Variants in MYT1L observed in about 807,000 individuals in gnomAD.
The protein encoded by MYT1L is myelin transcription factor 1-like protein.
MYT1L carries 12 observed loss-of-function variants against 126.7 expected under a neutral mutation model. That is an observed-to-expected ratio of 0.09 (90% CI 0.06 to 0.15). The LOEUF (loss-of-function observed/expected upper bound fraction) is 0.15. Among genes scored for constraint, MYT1L ranks in the 10% least tolerant of loss-of-function variants. The probability of loss-of-function intolerance (pLI) is 1.00; values close to 1 mark genes in which losing one functional copy is unlikely to be tolerated. For missense variants in MYT1L, 979 were observed against 1,585.2 expected (o/e 0.62, Z 6.49); for synonymous variants, 541 against 604.2 (o/e 0.90, Z 1.53).
intron 3 of MYT1L, among the ~76,000 whole-genome samples, chr2:2,121,078 G>C (rs2080936129): frequency 1.3e-5 from 2 of 152,184 alleles, no homozygotes; most frequent in African/African-American, 4.8e-5. Context: ...CCCGTGGATC[G>C]AACTGCCGGA....
chr2:1,822,720 C>T (rs1459259191), intron 21 of MYT1L, among the ~76,000 whole-genome samples: 3 of 151,928 alleles, frequency 2.0e-5, no homozygotes, highest in East Asian at 2.0e-4. Context: ...TATCTGGGTC[C>T]CTGGCAGTCA....
chr2:2,286,520 CAT>C (rs2095523218), intron 1 of MYT1L, among the ~76,000 whole-genome samples: 2 of 152,206 alleles, frequency 1.3e-5, no homozygotes, highest in South Asian at 4.1e-4. Context: ...AAAAAGAAAA[CAT>C]AGAACCCATT....
chr2:2,007,842 G>A (rs1201723859), intron 4 of MYT1L, among the ~76,000 whole-genome samples: 6 of 152,156 alleles, frequency 3.9e-5, no homozygotes, highest in Non-Finnish European at 8.8e-5. Flanking sequence ...GAGACATTTA[G>A]TTGATAGTTT....
chr2:2,119,214 G>A (rs1051956970), intron 3 of MYT1L, among the ~76,000 whole-genome samples: 2 of 152,168 alleles, frequency 1.3e-5, no homozygotes, highest in African/African-American at 4.8e-5. Flanking sequence ...ATGGTGAGAG[G>A]ACAACCTGTT....
At chr2:1,851,878 A>C (rs2043308946) in intron 18 of MYT1L, among the ~76,000 whole-genome samples, 175 bp from the exon 19 acceptor site, 1 of 152,106 alleles carries the variant, frequency 6.6e-6, no homozygotes, top group Non-Finnish European at 1.5e-5. Flanking sequence ...GACCACACAC[A>C]CACCTTCCAG....
In MYT1L at chr2:1,959,641, A is replaced by G. The variant is rs564977644; in HGVS notation, c.153-16307T>C. Among the ~76,000 whole-genome samples the G allele has an allele frequency of 2.0e-5, 3 of 152,314 alleles. No individual in the cohort carries two copies. The South Asian group carries it at 6.2e-4, about 32-fold the overall frequency. On this transcript the variant is annotated intron_variant, in intron 8 of 24. Transcript: ENST00000647738. The stretch of plus-strand genomic sequence containing the variant: ...CTCCTCCCTTGGGAAGCCCCTGGCT[A>G]CCTGCAGAGAATGGAGCTATGCCCC...
At chr2:2,088,660 C>T (rs754483932) in intron 3 of MYT1L, among the ~76,000 whole-genome samples, 3 of 152,064 alleles carry the variant, frequency 2.0e-5, no homozygotes, top group Non-Finnish European at 4.4e-5. Context: ...GTTCTAAGTA[C>T]TAGTATAAAA....
At chr2:2,126,460 C>T (rs1176046173) in intron 3 of MYT1L, among the ~76,000 whole-genome samples, 1 of 152,042 alleles carries the variant, frequency 6.6e-6, no homozygotes, top group Non-Finnish European at 1.5e-5. Flanking sequence ...GGTCTGGGGC[C>T]CAGAAAGAAG....
At chr2:2,302,472 G>A (rs1228211974) in intron 1 of MYT1L, among the ~76,000 whole-genome samples, 1 of 152,152 alleles carries the variant, frequency 6.6e-6, no homozygotes, top group Admixed American at 6.5e-5. Context: ...TGAGGAGGAG[G>A]GGTTGCTATA....
At chr2:1,892,349 A>C in intron 14 of MYT1L, 62 bp from the exon 15 acceptor site, 1 of 1,513,114 alleles carries the variant, frequency 6.6e-7, no homozygotes, top group African/African-American at 1.4e-5. Flanking sequence ...CAGACAGCAC[A>C]CGGCAGGGCC....
chr2:2,100,194 T>A (rs180850694), intron 3 of MYT1L, among the ~76,000 whole-genome samples: 210 of 152,276 alleles, frequency 1.4e-3, no homozygotes, highest in Non-Finnish European at 1.4e-3. Context: ...GGGTTTTTTT[T>A]AAAGAGAGTA....
chr2:1,916,023 G>T (rs1488570136), intron 11 of MYT1L, among the ~76,000 whole-genome samples: 1 of 152,140 alleles, frequency 6.6e-6, no homozygotes, highest in Non-Finnish European at 1.5e-5. Flanking sequence ...CTGTCTTCCT[G>T]CTCATGTAAC....
chr2:1,981,581 C>T (rs1035713693), intron 5 of MYT1L, among the ~76,000 whole-genome samples: 6 of 152,136 alleles, frequency 3.9e-5, no homozygotes, highest in Admixed American at 6.5e-5. Context: ...CGACATCAGA[C>T]GGTGCAGACG....
At chr2:2,143,153 A>G (rs1428273971) in intron 3 of MYT1L, among the ~76,000 whole-genome samples, 1 of 151,396 alleles carries the variant, frequency 6.6e-6, no homozygotes, top group Non-Finnish European at 1.5e-5. Flanking sequence ...AGCCGGGCGC[A>G]GTGGCAGGCG....
intron 4 of MYT1L, among the ~76,000 whole-genome samples, chr2:2,021,785 T>C (rs1340109726): frequency 6.6e-6 from 1 of 152,066 alleles, no homozygotes; most frequent in Admixed American, 6.6e-5. Flanking sequence ...TACTCCCAGC[T>C]ACTCAGGAGG....
chr2:2,185,123 TC>T (rs1200438156), intron 2 of MYT1L, among the ~76,000 whole-genome samples: 1 of 152,130 alleles, frequency 6.6e-6, no homozygotes, highest in Non-Finnish European at 1.5e-5. Flanking sequence ...TCCATATCCA[TC>T]CAATAACTCT....
chr2:2,217,669 T>TCAACAACAACAACAA (rs201935161), intron 2 of MYT1L, among the ~76,000 whole-genome samples: 2 of 92,210 alleles, frequency 2.2e-5, no homozygotes, highest in East Asian at 5.4e-4. Context: ...AAACTCCATC[T>TCAACAACAACAACAA]CAACAACAAC....
rs544617388 is a variant in MYT1L at position 2,159,888 on chromosome 2, C to T, written c.-304+12984G>A. On this transcript the variant is annotated intron_variant, in intron 3 of 24. Coordinates refer to ENST00000647738, the MANE Select transcript of MYT1L (RefSeq NM_001303052.2). ...CTTTCTCTCCTTACCCTCATAAACACTCAGCAGGCTGTGAGTGAATTCAAA... is the reference window on the plus strand; with the variant it reads ...CTTTCTCTCCTTACCCTCATAAACATTCAGCAGGCTGTGAGTGAATTCAAA... 2.0e-4 allele frequency among the ~76,000 whole-genome samples: 31 copies of T among 152,222 alleles called. 2 individuals carry two copies. Among genetic ancestry groups the T allele is most frequent in the African/African-American group, 6.7e-4 (28 of 41,532 alleles).
intron 2 of MYT1L, among the ~76,000 whole-genome samples, chr2:2,261,150 TG>T (rs1163289567): frequency 1.3e-5 from 2 of 151,836 alleles, no homozygotes; most frequent in Non-Finnish European, 2.9e-5. Context: ...TGCGTGTGTG[TG>T]TGTGTGTGTG....
Sources: gnomAD v4.1 joint callset for allele counts (sites outside exome capture counted in the v4.1 genomes callset) on GRCh38, gnomAD v4.1.1 for gene constraint, MANE v1.5 for transcripts, NCBI Gene and HGNC (gene_info 2026-07-23, HGNC 2026-07-21) for gene names.